Variants in ARHGEF26 observed in about 807,000 individuals in gnomAD.
ARHGEF26 encodes Rho guanine nucleotide exchange factor 26, also known as Rho guanine nucleotide exchange factor (GEF) 26.
ARHGEF26 carries 59 observed loss-of-function variants against 89.4 expected under a neutral mutation model. The ratio of observed to expected loss-of-function variants is 0.66; its 90% CI spans 0.54 to 0.82. The LOEUF (loss-of-function observed/expected upper bound fraction) is 0.82. ARHGEF26 is among the 40% of genes least tolerant of loss of function. The pLI is 0.00. For synonymous variants in ARHGEF26, 500 were observed against 428.4 expected, an observed-to-expected ratio of 1.17 and a Z score of -2.06; for missense variants, 1,234 against 1,085.6, an observed-to-expected ratio of 1.14 and a Z score of -1.92.
In ARHGEF26 at chr3:154,255,629, T is replaced by G. The variant is rs1311514308; in HGVS notation, c.*156T>G. The G allele has an allele frequency of 1.4e-6, 2 of 1,439,354 alleles. No individual in the cohort carries two copies. The highest frequency in any genetic ancestry group is 2.9e-5 in the Admixed American group (1 of 34,072). 89.2% of individuals were successfully genotyped at this position (1,439,354 alleles called of 1,614,324 possible). ...CTTGCCAGGTTGTTCTGCTCTCTCATGAGAAGAGCTTGGATACAGTGAGTT... is the reference window on the plus strand; with the variant it reads ...CTTGCCAGGTTGTTCTGCTCTCTCAGGAGAAGAGCTTGGATACAGTGAGTT... On this transcript the variant is annotated 3_prime_UTR_variant, in exon 15 of 15. Coordinates refer to ENST00000465093, the MANE Select transcript of ARHGEF26 (RefSeq NM_015595.4).
chr3:154,161,897 A>G (rs1174574084), intron 6 of ARHGEF26, among the ~76,000 whole-genome samples: 2 of 152,160 alleles, frequency 1.3e-5, no homozygotes, highest in African/African-American at 2.4e-5. Context: ...TCAGCTGCCA[A>G]TTAGACCATT....
intron 10 of ARHGEF26, among the ~76,000 whole-genome samples, chr3:154,222,142 A>C (rs770246205): frequency 6.6e-6 from 1 of 152,228 alleles, no homozygotes; most frequent in Non-Finnish European, 1.5e-5. Context: ...TCTAGATTCA[A>C]ATCTTTGACT....
intron 6 of ARHGEF26, among the ~76,000 whole-genome samples, chr3:154,169,158 A>G (rs570028078): frequency 1.3e-4 from 20 of 152,224 alleles, no homozygotes; most frequent in African/African-American, 4.8e-4. Flanking sequence ...CGGAGTCTCA[A>G]TGGGGGCCTG....
At chr3:154,179,905 A>G (rs1051761095) in intron 6 of ARHGEF26, among the ~76,000 whole-genome samples, 1 of 152,190 alleles carries the variant, frequency 6.6e-6, no homozygotes, top group African/African-American at 2.4e-5. Flanking sequence ...TTCTTTTTCA[A>G]TTCTGAAGGT....
At chr3:154,180,178 C>T (rs1039131186) in intron 6 of ARHGEF26, among the ~76,000 whole-genome samples, 5 of 152,178 alleles carry the variant, frequency 3.3e-5, no homozygotes, top group Admixed American at 2.6e-4. Context: ...CTGGATAATC[C>T]AGGATGATTT....
chr3:154,184,872 C>G (rs1713421856), intron 6 of ARHGEF26, among the ~76,000 whole-genome samples: 1 of 152,214 alleles, frequency 6.6e-6, no homozygotes, highest in Admixed American at 6.5e-5. Flanking sequence ...CCTTTGCAAT[C>G]AAGCTCAGCC....
At chr3:154,129,491 T>C in intron 3 of ARHGEF26, 83 bp from the exon 4 acceptor site, 1 of 1,420,906 alleles carries the variant, frequency 7.0e-7, no homozygotes, top group Non-Finnish European at 9.5e-7. Context: ...AGGCCAAACA[T>C]TGGGTACATA....
chr3:154,141,254 C>G (rs192262019), intron 4 of ARHGEF26, among the ~76,000 whole-genome samples: 1 of 152,162 alleles, frequency 6.6e-6, no homozygotes, highest in Non-Finnish European at 1.5e-5. Context: ...TGAGAGCCAC[C>G]GTGCCTGGCC....
At chr3:154,218,657 C>G (rs1559907405) in intron 10 of ARHGEF26, among the ~76,000 whole-genome samples, 1 of 152,144 alleles carries the variant, frequency 6.6e-6, no homozygotes. Context: ...ATATTTTTCC[C>G]TAGTAAAAGT....
chr3:154,254,892 T>C, intron 14 of ARHGEF26, 68 bp downstream of exon 14: 2 of 1,285,418 alleles, frequency 1.6e-6, no homozygotes, highest in Non-Finnish European at 2.2e-6. Flanking sequence ...CCGAGGAGTG[T>C]CATTTTGTCA....
intron 11 of ARHGEF26, among the ~76,000 whole-genome samples, chr3:154,233,337 C>A (rs1716923851): frequency 6.6e-6 from 1 of 152,254 alleles, no homozygotes; most frequent in South Asian, 2.1e-4. Context: ...AGCATAAATT[C>A]AATGTCCTTC....
intron 4 of ARHGEF26, among the ~76,000 whole-genome samples, chr3:154,137,826 A>AAG (rs1394734584): frequency 6.6e-6 from 1 of 150,968 alleles, no homozygotes; most frequent in Non-Finnish European, 1.5e-5. Flanking sequence ...AAAAAAAAAA[A>AAG]AAGAAGAAGA....
Position 154,253,178 on chromosome 3 carries a change from G to A in ARHGEF26, c.2363G>A (p.Arg788Gln), listed in dbSNP as rs774495050. The A allele has an allele frequency of 3.1e-6, 5 of 1,613,888 alleles. No homozygotes were observed. The highest frequency in any genetic ancestry group is 1.3e-5 in the African/African-American group (1 of 74,932). The change falls in exon 13 of 15, where the codon CGA (arginine) becomes CAA (glutamine). Residue 788 changes from arginine to glutamine, a missense_variant. Physicochemically the swap from Arg to Gln is conservative, Grantham distance 43. Coordinates refer to ENST00000465093, the MANE Select transcript of ARHGEF26 (RefSeq NM_015595.4). ...GHSSGKPPADRTSLTQVEIVR... is the reference protein window; with the variant it reads ...GHSSGKPPADQTSLTQVEIVR... ...AGCAGCGGGAAGCCGCCTGCAGACC[G>A]AACCTGTAAGTTCTCTCAAGGGGAA...
chr3:154,136,617 C>T (rs1215919131), intron 4 of ARHGEF26, among the ~76,000 whole-genome samples: 2 of 152,216 alleles, frequency 1.3e-5, no homozygotes, highest in East Asian at 1.9e-4. Context: ...GAAAGACATA[C>T]TATTTTCTAG....
intron 9 of ARHGEF26, among the ~76,000 whole-genome samples, chr3:154,195,518 A>C (rs1318171938): frequency 6.6e-6 from 1 of 152,172 alleles, no homozygotes; most frequent in African/African-American, 2.4e-5. Flanking sequence ...GGTGGTGAGA[A>C]GTCTACCTGT....
chr3:154,150,982 A>G (rs2108095087), intron 5 of ARHGEF26, among the ~76,000 whole-genome samples: 1 of 152,302 alleles, frequency 6.6e-6, no homozygotes. Context: ...CCTGTGATCT[A>G]TTATAAATAG....
intron 9 of ARHGEF26, 100 bp downstream of exon 9, chr3:154,194,818 C>T: frequency 1.0e-6 from 1 of 987,354 alleles, no homozygotes; most frequent in South Asian, 1.5e-5. Flanking sequence ...GGTAGAGTCT[C>T]ACAGCCATTT....
At chr3:154,121,549 A>C in intron 1 of ARHGEF26, 30 bp downstream of exon 1, 1 of 165,376 alleles carries the variant, frequency 6.0e-6, no homozygotes. Context: ...GCGCACCTGG[A>C]GCGCGAGGGT....
chr3:154,157,283 G>A (rs1263215181), intron 6 of ARHGEF26, among the ~76,000 whole-genome samples: 1 of 152,144 alleles, frequency 6.6e-6, no homozygotes, highest in African/African-American at 2.4e-5. Flanking sequence ...TGGGACCCAT[G>A]GTAGTTGGCG....
Sources: allele counts gnomAD v4.1 joint callset (sites outside exome capture counted in the v4.1 genomes callset), GRCh38; gene constraint gnomAD v4.1.1; transcripts MANE v1.5; gene names NCBI Gene and HGNC (gene_info 2026-07-23, HGNC 2026-07-21).